Variants in EDEM2 observed in about 807,000 individuals in gnomAD.
EDEM2 encodes ER degradation enhancing alpha-mannosidase like protein 2, also known as ER degradation-enhancing alpha-mannosidase-like protein 2.
A neutral mutation model predicts 64.8 loss-of-function variants in EDEM2; 39 were observed. The ratio of observed to expected loss-of-function variants is 0.60; its 90% CI spans 0.47 to 0.79. The LOEUF (loss-of-function observed/expected upper bound fraction) is 0.79. Among genes scored for constraint, EDEM2 ranks in the 30% least tolerant of loss-of-function variants. The pLI is 0.00. For synonymous variants in EDEM2, 296 were observed against 291.5 expected, an observed-to-expected ratio of 1.02 and a Z score of -0.16; for missense variants, 609 against 731.3, an observed-to-expected ratio of 0.83 and a Z score of 1.93.
Position 35,123,909 on chromosome 20 carries a change from C to T in EDEM2, c.1095G>A (p.Glu365=), listed in dbSNP as rs2085399189. ...GCTCACCTGGCCGAAGTGGGTAGCC[C>T]TCTCGCTTCTCCACTGTGTATCCCT... ...IPQGYTVEKR[E]GYPLRPELIE... Residue 365 remains glutamate, a synonymous_variant, in exon 9 of 11, where the codon GAG becomes GAA. Coordinates refer to ENST00000374492, the MANE Select transcript of EDEM2 (RefSeq NM_018217.3). 1 of 1,614,076 alleles carries T rather than the reference C, an allele frequency of 6.2e-7. No individual in the cohort carries two copies. The highest frequency in any genetic ancestry group is 8.5e-7 in the Non-Finnish European group (1 of 1,179,980).
Position 35,144,978 on chromosome 20 carries a change from C to T in EDEM2, c.258+1G>A. On this transcript the variant is annotated splice_donor_variant, in intron 3 of 10. Transcript: ENST00000374492. LOFTEE classifies it high-confidence loss of function. ...GGAAAAGAAACAGACGAGATACTTA[C>T]CAGCAAGGTGTCCAGTGCATCAATT... is the stretch of plus-strand genomic sequence containing the variant. The T allele has an allele frequency of 6.2e-7, 1 of 1,613,920 alleles. No individual in the cohort carries two copies. The highest frequency in any genetic ancestry group is 8.5e-7 in the Non-Finnish European group (1 of 1,179,884).
intron 9 of EDEM2, among the ~76,000 whole-genome samples, chr20:35,123,090 T>C (rs1001731943): frequency 2.6e-5 from 4 of 152,292 alleles, no homozygotes; most frequent in Admixed American, 6.5e-5. Context: ...AATATAGTCC[T>C]TTGCTTGATT....
At chr20:35,136,754 G>GAGA (rs2085582114) in intron 5 of EDEM2, among the ~76,000 whole-genome samples, 3 of 102,224 alleles carry the variant, frequency 2.9e-5, no homozygotes, top group Middle Eastern at 5.6e-3. Context: ...GACCCTGTCT[G>GAGA]AAAAAAAAAA....
At chr20:35,130,965 G>C (rs1266906950) in intron 7 of EDEM2, among the ~76,000 whole-genome samples, 1 of 152,204 alleles carries the variant, frequency 6.6e-6, no homozygotes, top group Non-Finnish European at 1.5e-5. Flanking sequence ...CTAACTGCAA[G>C]AAAGATGCTG....
At chr20:35,126,812 T>C (rs1188201873) in intron 7 of EDEM2, among the ~76,000 whole-genome samples, 1 of 152,168 alleles carries the variant, frequency 6.6e-6, no homozygotes, top group African/African-American at 2.4e-5. Flanking sequence ...CTTGGGAGGC[T>C]GAGGAAGGAG....
intron 5 of EDEM2, among the ~76,000 whole-genome samples, chr20:35,135,933 C>T (rs1469414588): frequency 6.6e-6 from 1 of 152,190 alleles, no homozygotes; most frequent in Admixed American, 6.5e-5. Context: ...GCCCGCCCCA[C>T]CCAAGTGGCA....
At chr20:35,130,339 G>T (rs933037906) in intron 7 of EDEM2, among the ~76,000 whole-genome samples, 4 of 151,890 alleles carry the variant, frequency 2.6e-5, no homozygotes, top group African/African-American at 9.7e-5. Context: ...CAAAGCACTG[G>T]GATTAAAGGC....
chr20:35,141,805 A>T (rs905256968), intron 4 of EDEM2, among the ~76,000 whole-genome samples: 2 of 151,724 alleles, frequency 1.3e-5, no homozygotes, highest in African/African-American at 4.9e-5. Flanking sequence ...AGTGGTTCCT[A>T]TGGGCTGCCA....
rs201510337 is a variant in EDEM2 at position 35,128,821 on chromosome 20, GA to G, written c.845-2447del. On this transcript the variant is annotated intron_variant, in intron 7 of 10. Coordinates refer to ENST00000374492, the MANE Select transcript of EDEM2 (RefSeq NM_018217.3). The stretch of plus-strand genomic sequence containing the variant: ...AAAACAAAATAAAAAACTAAAAACA[GA>G]AAAAAACTTAGAGAATAAGGATATA... Among the ~76,000 whole-genome samples, 667 of 150,670 alleles carry G rather than the reference GA, an allele frequency of 4.4e-3. 35 individuals carry two copies. Among genetic ancestry groups the G allele is most frequent in the African/African-American group, 0.016 (640 of 40,540 alleles).
intron 7 of EDEM2, among the ~76,000 whole-genome samples, 153 bp downstream of exon 7, chr20:35,131,489 C>T (rs2085504326): frequency 6.6e-6 from 1 of 152,184 alleles, no homozygotes; most frequent in South Asian, 2.1e-4. Context: ...TCACTTGAAC[C>T]TGGGAGGCAG....
intron 2 of EDEM2, among the ~76,000 whole-genome samples, chr20:35,145,775 C>T (rs374378947): frequency 1.3e-5 from 2 of 152,064 alleles, no homozygotes; most frequent in African/African-American, 4.8e-5. Context: ...TTTGGGAGGC[C>T]TAGGTGGGTG....
intron 8 of EDEM2, among the ~76,000 whole-genome samples, chr20:35,124,488 C>T (rs2085406902): frequency 6.6e-6 from 1 of 152,082 alleles, no homozygotes; most frequent in African/African-American, 2.4e-5. Flanking sequence ...ACAGCCTTGA[C>T]CTCCTGGGCT....
intron 2 of EDEM2, 97 bp downstream of exon 2, chr20:35,146,727 CG>C: frequency 3.8e-6 from 5 of 1,303,862 alleles, no homozygotes; most frequent in Middle Eastern, 2.5e-4. Context: ...TTTCTGGTGC[CG>C]GTGAGGAGAC....
chr20:35,142,749 G>A (rs1313178616), intron 3 of EDEM2, among the ~76,000 whole-genome samples: 1 of 152,000 alleles, frequency 6.6e-6, no homozygotes, highest in African/African-American at 2.4e-5. Context: ...CGCAAACTAC[G>A]CATAGAAGTC....
rs1600703831 is a variant in EDEM2 at position 35,124,054 on chromosome 20, T to C, written c.970-20A>G. 6.2e-7 allele frequency: 1 copy of C among 1,608,588 alleles called. No homozygotes were observed. The highest frequency in any genetic ancestry group is 1.3e-5 in the African/African-American group (1 of 74,806). On this transcript the variant is annotated intron_variant, in intron 8 of 10. Transcript: ENST00000374492. ...GAGGCTCTGTGGGAGAAAGTGGCTG[T>C]CAGGCAGGTAGACACCAGGCATAAA...
intron 7 of EDEM2, among the ~76,000 whole-genome samples, chr20:35,126,654 T>C (rs146420072): frequency 9.2e-5 from 14 of 152,276 alleles, no homozygotes; most frequent in African/African-American, 3.4e-4. Context: ...GGCTCACATC[T>C]ATAATCCCAG....
At chr20:35,121,881 A>G (rs917364615) in intron 9 of EDEM2, among the ~76,000 whole-genome samples, 2 of 151,738 alleles carry the variant, frequency 1.3e-5, no homozygotes, top group Non-Finnish European at 2.9e-5. Context: ...TGCAGCTACG[A>G]CCACCTGGGC....
intron 10 of EDEM2, among the ~76,000 whole-genome samples, chr20:35,116,325 A>G (rs941923416): frequency 2.2e-4 from 34 of 152,136 alleles, no homozygotes; most frequent in Non-Finnish European, 8.8e-5. Flanking sequence ...TCTGTATAAC[A>G]TAAGTCTTCC....
chr20:35,126,199 C>G, intron 8 of EDEM2, 52 bp downstream of exon 8: 1 of 1,589,434 alleles, frequency 6.3e-7, no homozygotes, highest in South Asian at 1.1e-5. Context: ...TCAGAATGAG[C>G]TTGCTTTGCC....
Sources: gnomAD v4.1 joint callset for allele counts (sites outside exome capture counted in the v4.1 genomes callset) on GRCh38, gnomAD v4.1.1 for gene constraint, MANE v1.5 for transcripts, NCBI Gene and HGNC (gene_info 2026-07-23, HGNC 2026-07-21) for gene names.